Variants in ZCCHC24 observed in about 807,000 individuals in gnomAD.
The protein encoded by ZCCHC24 is zinc finger CCHC-type containing 24.
In ZCCHC24, 10 loss-of-function variants were observed where a neutral mutation model predicts 26.2. The observed-to-expected ratio is 0.38, with a 90% CI of 0.24 to 0.65. The LOEUF (loss-of-function observed/expected upper bound fraction) is 0.65, where lower values mean the gene tolerates loss of function less well. Among genes scored for constraint, ZCCHC24 ranks in the 30% least tolerant of loss-of-function variants. ZCCHC24 has a pLI of 0.54. For missense variants in ZCCHC24, 243 were observed against 329.1 expected, an observed-to-expected ratio of 0.74 and a Z score of 2.03; for synonymous variants, 144 against 147.1, an observed-to-expected ratio of 0.98 and a Z score of 0.15.
intron 2 of ZCCHC24, among the ~76,000 whole-genome samples, chr10:79,427,020 A>T (rs1857036803): frequency 6.6e-6 from 1 of 152,180 alleles, no homozygotes; most frequent in South Asian, 2.1e-4. Flanking sequence ...GTAATCTGCA[A>T]CTATTAGAAA....
chr10:79,429,841 G>A (rs1181872677), intron 2 of ZCCHC24, among the ~76,000 whole-genome samples: 2 of 152,126 alleles, frequency 1.3e-5, no homozygotes, highest in Non-Finnish European at 2.9e-5. Flanking sequence ...TTCTTTCTGT[G>A]GTTTATAAAA....
chr10:79,386,592 A>G, intron 3 of ZCCHC24, 134 bp from the exon 4 acceptor site: 1 of 636,476 alleles, frequency 1.6e-6, no homozygotes, highest in Non-Finnish European at 2.7e-6. Flanking sequence ...ACAGAGAGGC[A>G]CACCTCTGCA....
intron 1 of ZCCHC24, among the ~76,000 whole-genome samples, chr10:79,442,689 G>A (rs972353197): frequency 5.9e-5 from 9 of 152,184 alleles, no homozygotes; most frequent in Admixed American, 2.6e-4. Flanking sequence ...AGTCCCCTCC[G>A]GCCCACACAC....
chr10:79,398,718 G>A (rs1014914829), intron 2 of ZCCHC24, among the ~76,000 whole-genome samples: 2 of 152,216 alleles, frequency 1.3e-5, no homozygotes, highest in Admixed American at 1.3e-4. Flanking sequence ...GCTGGCAGAG[G>A]TTGAGGAAAG....
Position 79,386,303 on chromosome 10 carries a change from C to T in ZCCHC24, c.*42G>A, listed in dbSNP as rs748973040. ...GTAGCACAGGGAAGCAGCGTCTCCT[C>T]GGGCTGGCGGGGGGTGGCTCTGGGT... On this transcript the variant is annotated 3_prime_UTR_variant, in exon 4 of 4. Coordinates refer to ENST00000372336, the MANE Select transcript of ZCCHC24 (RefSeq NM_153367.4). 2.1e-5 allele frequency: 33 copies of T among 1,581,260 alleles called. No individual in the cohort carries two copies. The highest frequency in any genetic ancestry group is 1.1e-4 in the African/African-American group (8 of 74,372).
chr10:79,390,747 T>C (rs561174869), intron 3 of ZCCHC24, among the ~76,000 whole-genome samples: 3 of 152,298 alleles, frequency 2.0e-5, no homozygotes, highest in African/African-American at 7.2e-5. Context: ...AGTGGTGTTT[T>C]CTTCTTGAGG....
intron 3 of ZCCHC24, among the ~76,000 whole-genome samples, chr10:79,391,840 C>T (rs1046802132): frequency 6.6e-6 from 1 of 151,422 alleles, no homozygotes; most frequent in African/African-American, 2.4e-5. Flanking sequence ...TTGTCCTTTG[C>T]GGTGACTCAG....
intron 2 of ZCCHC24, among the ~76,000 whole-genome samples, chr10:79,428,299 T>C (rs918877480): frequency 6.6e-6 from 1 of 152,208 alleles, no homozygotes; most frequent in Non-Finnish European, 1.5e-5. Flanking sequence ...TCCACTTATA[T>C]GAGGTATTTA....
At chr10:79,432,905 A>C in intron 1 of ZCCHC24, 147 bp from the exon 2 acceptor site, 1 of 871,222 alleles carries the variant, frequency 1.1e-6, no homozygotes, top group Non-Finnish European at 1.7e-6. Flanking sequence ...AATCCTAACT[A>C]GTGTGTCTCC....
chr10:79,440,504 C>T (rs1280838517), intron 1 of ZCCHC24, among the ~76,000 whole-genome samples: 3 of 152,220 alleles, frequency 2.0e-5, no homozygotes, highest in Non-Finnish European at 4.4e-5. Context: ...TTGCTGCCTG[C>T]CCTCACTGGG....
At chr10:79,397,435 A>AGTTTCTG (rs1260788602) in intron 2 of ZCCHC24, among the ~76,000 whole-genome samples, 1 of 152,218 alleles carries the variant, frequency 6.6e-6, no homozygotes, top group Non-Finnish European at 1.5e-5. Context: ...ATCTCAAGTT[A>AGTTTCTG]GTGCATGTCC....
At chr10:79,423,338 G>T (rs981438769) in intron 2 of ZCCHC24, among the ~76,000 whole-genome samples, 2 of 151,820 alleles carry the variant, frequency 1.3e-5, no homozygotes, top group African/African-American at 4.8e-5. Flanking sequence ...ATCTCTTGAG[G>T]TCAGGAGTTT....
chr10:79,391,714 C>T (rs914743830), intron 3 of ZCCHC24, among the ~76,000 whole-genome samples: 6 of 152,060 alleles, frequency 3.9e-5, no homozygotes, highest in Admixed American at 2.6e-4. Context: ...AGCTATCCTC[C>T]GGGCCCCCGG....
intron 3 of ZCCHC24, among the ~76,000 whole-genome samples, chr10:79,391,624 G>GC (rs1856479582): frequency 6.6e-6 from 1 of 151,698 alleles, no homozygotes; most frequent in African/African-American, 2.4e-5. Context: ...CCTGACTCCT[G>GC]CCCCCAGCCA....
chr10:79,394,538 T>G (rs1187658743), intron 2 of ZCCHC24, 98 bp from the exon 3 acceptor site: 1 of 1,523,156 alleles, frequency 6.6e-7, no homozygotes, highest in African/African-American at 1.4e-5. Context: ...TCATGTCCTG[T>G]GTCCATGTGT....
chr10:79,436,668 GGGTGCGAT>G (rs1341083879), intron 1 of ZCCHC24, among the ~76,000 whole-genome samples: 8 of 152,212 alleles, frequency 5.3e-5, no homozygotes, highest in African/African-American at 1.9e-4. Context: ...AGCCTGCCCT[GGGTGCGAT>G]GGTCACCAGC....
rs1305624962 is a variant in ZCCHC24 at position 79,445,566 on chromosome 10, C to T, written c.-126G>A. 3 of 843,158 alleles carry T rather than the reference C, an allele frequency of 3.6e-6. No homozygotes were observed. Among genetic ancestry groups the T allele is most frequent in the Non-Finnish European group, 3.0e-6 (2 of 674,484 alleles). 52.2% of individuals were successfully genotyped at this position (843,158 alleles called of 1,614,324 possible). On this transcript the variant is annotated 5_prime_UTR_variant, in exon 1 of 4. Transcript: ENST00000372336. ...CCGAGCCCCGACGGTGATCGCCCCGCGCCCTGCGCCCCGCGCGCTGCCCGC... is the reference window on the plus strand; with the variant it reads ...CCGAGCCCCGACGGTGATCGCCCCGTGCCCTGCGCCCCGCGCGCTGCCCGC...
intron 2 of ZCCHC24, among the ~76,000 whole-genome samples, chr10:79,418,287 T>C (rs1270454070): frequency 6.6e-6 from 1 of 152,198 alleles, no homozygotes; most frequent in African/African-American, 2.4e-5. Context: ...TCATTGCTGA[T>C]GCCACTTCAT....
intron 2 of ZCCHC24, among the ~76,000 whole-genome samples, chr10:79,397,851 G>C (rs1269879848): frequency 6.6e-6 from 1 of 152,174 alleles, no homozygotes; most frequent in Non-Finnish European, 1.5e-5. Context: ...GTGAAGCGTG[G>C]GGACTGGGGC....
Sources: gnomAD v4.1 joint callset for allele counts (sites outside exome capture counted in the v4.1 genomes callset) on GRCh38, gnomAD v4.1.1 for gene constraint, MANE v1.5 for transcripts, NCBI Gene and HGNC (gene_info 2026-07-23, HGNC 2026-07-21) for gene names.